Variants in CASP9 observed in about 807,000 individuals in gnomAD.
CASP9 encodes the protein caspase 9.
Under a neutral mutation model 43.5 loss-of-function variants are expected in CASP9, and 29 were observed. The ratio of observed to expected loss-of-function variants is 0.67; its 90% confidence interval spans 0.50 to 0.91. The LOEUF (loss-of-function observed/expected upper bound fraction) is 0.91. Among genes scored for constraint, CASP9 ranks in the 40% least tolerant of loss-of-function variants. The probability of loss-of-function intolerance (pLI) is 0.00; values close to 1 mark genes in which losing one functional copy is unlikely to be tolerated. For missense variants in CASP9, 575 were observed against 537.4 expected, an observed-to-expected ratio of 1.07 and a Z score of -0.69; for synonymous variants, 206 against 211.9, an observed-to-expected ratio of 0.97 and a Z score of 0.24.
chr1:15,498,126 C>T (rs1391393905), intron 6 of CASP9, among the ~76,000 whole-genome samples: 1 of 152,148 alleles, frequency 6.6e-6, no homozygotes, highest in Non-Finnish European at 1.5e-5. Flanking sequence ...TTCTGTCACC[C>T]AGGCTGGAGT....
chr1:15,522,097 TTTTTCTCCCTCA>T (rs1387401250), intron 1 of CASP9, among the ~76,000 whole-genome samples: 1 of 152,322 alleles, frequency 6.6e-6, no homozygotes, highest in Non-Finnish European at 1.5e-5. Flanking sequence ...TTGTTTCATC[TTTTTCTCCCTCA>T]ATAACTTTAT....
upstream of CASP9, chr1:15,524,473 CACGCTCCGCGTCA>C: frequency 1.1e-6 from 1 of 913,304 alleles, no homozygotes; most frequent in Non-Finnish European, 1.3e-6. Context: ...CGCCCCAGAA[CACGCTCCGCGTCA>C]CCGCCCCGCC....
chr1:15,512,631 G>A (rs560808022), intron 2 of CASP9, among the ~76,000 whole-genome samples: 2 of 152,188 alleles, frequency 1.3e-5, no homozygotes, highest in African/African-American at 4.8e-5. Context: ...ATAATTGCAT[G>A]AGCCTGTTCC....
chr1:15,516,133 T>A (rs1187295526), intron 2 of CASP9, among the ~76,000 whole-genome samples: 2 of 144,590 alleles, frequency 1.4e-5, no homozygotes. Context: ...ACCCAGGAGG[T>A]GGAGGTTGCA....
At chr1:15,523,974 G>A (rs1710324095) in intron 1 of CASP9, 95 bp downstream of exon 1, 2 of 952,094 alleles carry the variant, frequency 2.1e-6, no homozygotes, top group Admixed American at 3.1e-5. Context: ...TGAGGGGTTT[G>A]AAGCCACAGG....
At chr1:15,521,494 T>C (rs939701375) in intron 1 of CASP9, among the ~76,000 whole-genome samples, 7 of 152,164 alleles carry the variant, frequency 4.6e-5, no homozygotes, top group African/African-American at 1.7e-4. Flanking sequence ...TAGATAGCGG[T>C]AGAAGAAATA....
At chr1:15,505,888 G>T (rs1800614) in intron 5 of CASP9, 102 bp downstream of exon 5, 508,244 of 941,978 alleles carry the variant, frequency 0.54, 140,210 homozygotes, top group African/African-American at 0.7. Context: ...TTTCCACAAA[G>T]CCAAGGGTGT....
intron 8 of CASP9, chr1:15,493,662 T>TGGAGGA: frequency 6.9e-7 from 1 of 1,449,202 alleles, no homozygotes; most frequent in Non-Finnish European, 9.0e-7. Context: ...CTGGGGACCT[T>TGGAGGA]GGAGGAGACA....
intron 1 of CASP9, among the ~76,000 whole-genome samples, chr1:15,518,620 G>A (rs1710053668): frequency 6.6e-6 from 1 of 152,218 alleles, no homozygotes; most frequent in East Asian, 1.9e-4. Flanking sequence ...ATGCTGCCAT[G>A]GACAGTCTCA....
intron 6 of CASP9, among the ~76,000 whole-genome samples, chr1:15,498,730 C>G (rs982156812): frequency 2.1e-5 from 3 of 140,668 alleles, no homozygotes; most frequent in African/African-American, 7.9e-5. Context: ...TTCCATGGAT[C>G]TTGAAAGTGA....
chr1:15,521,447 T>C (rs921130271), intron 1 of CASP9, among the ~76,000 whole-genome samples: 1 of 152,188 alleles, frequency 6.6e-6, no homozygotes, highest in Admixed American at 6.5e-5. Context: ...CCCACTTTCA[T>C]GTTCCTCCCG....
chr1:15,495,465 GAAAC>G lies in CASP9; in HGVS notation c.869-17_869-14del, dbSNP rs1467441849. Reference sequence around the variant, plus strand: ...TGGTCTTTCTGCTCTGCAGGAAGCAGAAACAAACACCTCTTGTCATTGAAATACA... The same window carrying G: ...TGGTCTTTCTGCTCTGCAGGAAGCAGAAACACCTCTTGTCATTGAAATACA... On this transcript the variant is annotated splice_polypyrimidine_tract_variant and intron_variant, in intron 6 of 8. Coordinates refer to ENST00000333868, the MANE Select transcript of CASP9 (RefSeq NM_001229.5). The G allele has an allele frequency of 2.6e-6, 4 of 1,560,940 alleles. No homozygotes were observed. In the African/African-American group the frequency reaches 5.5e-5, roughly 21 times the overall value.
intron 2 of CASP9, among the ~76,000 whole-genome samples, chr1:15,517,749 C>T (rs1298147960): frequency 1.3e-5 from 2 of 151,928 alleles, no homozygotes; most frequent in Non-Finnish European, 1.5e-5. Flanking sequence ...CTGTCTCCTG[C>T]CCCCAGACAT....
chr1:15,524,478 T>G, upstream of CASP9: 1 of 858,886 alleles, frequency 1.2e-6, no homozygotes, highest in Non-Finnish European at 1.4e-6. Flanking sequence ...CAGAACACGC[T>G]CCGCGTCACC....
At chr1:15,516,021 G>A (rs1709933182) in intron 2 of CASP9, among the ~76,000 whole-genome samples, 1 of 152,070 alleles carries the variant, frequency 6.6e-6, no homozygotes, top group Non-Finnish European at 1.5e-5. Context: ...AGGCAACATG[G>A]TGAAACCCCA....
At chr1:15,503,513 C>T (rs1275675499) in intron 6 of CASP9, among the ~76,000 whole-genome samples, 1 of 152,202 alleles carries the variant, frequency 6.6e-6, no homozygotes, top group Non-Finnish European at 1.5e-5. Flanking sequence ...GAGACTGAAA[C>T]TCTGTTTTTC....
Position 15,507,887 on chromosome 1 carries a change from CCCTCAAACTCTCAAGAGCACCTGAAGAGG to C in CASP9, c.419-9_438del. ...TGGAGACTCACCAAATCTGCATTTC[CCCTCAAACTCTCAAGAGCACCTGAAGAGG>C]CAGAGAAAGAGAGAAACATGAATGT... On this transcript the variant is annotated splice_acceptor_variant and splice_polypyrimidine_tract_variant and coding_sequence_variant and intron_variant, in exon 3 of 9. Coordinates refer to ENST00000333868, the MANE Select transcript of CASP9 (RefSeq NM_001229.5). LOFTEE classifies it high-confidence loss of function. 6.2e-7 allele frequency: 1 copy of C among 1,614,118 alleles called. No homozygotes were observed. The highest frequency in any genetic ancestry group is 8.5e-7 in the Non-Finnish European group (1 of 1,180,008).
chr1:15,507,996 G>A (rs4646032), intron 2 of CASP9, 89 bp from the exon 3 acceptor site: 724,025 of 1,348,480 alleles, frequency 0.54, 197,939 homozygotes, highest in African/African-American at 0.7. Context: ...CCCCAAGAAC[G>A]GAGCAGCGAG....
intron 6 of CASP9, among the ~76,000 whole-genome samples, chr1:15,501,332 T>TG (rs1709320657): frequency 6.6e-6 from 1 of 152,226 alleles, no homozygotes; most frequent in Non-Finnish European, 1.5e-5. Context: ...TCCTAATGAA[T>TG]GGGTGGATGA....
Sources: gnomAD v4.1 joint callset for allele counts (sites outside exome capture counted in the v4.1 genomes callset) on GRCh38, gnomAD v4.1.1 for gene constraint, MANE v1.5 for transcripts, NCBI Gene and HGNC (gene_info 2026-07-23, HGNC 2026-07-21) for gene names.